DOCK8: variants seen among roughly 807,000 people sequenced by gnomAD.
DOCK8 encodes the protein dedicator of cytokinesis 8, also known as dedicator of cytokinesis protein 8.
In DOCK8, 141 loss-of-function variants were observed where a neutral mutation model predicts 245.6. The ratio of observed to expected loss-of-function variants is 0.57; its 90% confidence interval spans 0.50 to 0.66. The LOEUF is 0.66. Among genes scored for constraint, DOCK8 ranks in the 30% least tolerant of loss-of-function variants. DOCK8 has a pLI of 0.00. For missense variants in DOCK8, 2,965 were observed against 2,603.4 expected, an observed-to-expected ratio of 1.14 and a Z score of -3.02; for synonymous variants, 1,168 against 970.2, an observed-to-expected ratio of 1.20 and a Z score of -3.79.
intron 7 of DOCK8, among the ~76,000 whole-genome samples, chr9:317,527 G>A (rs2050400352): frequency 6.6e-6 from 1 of 152,102 alleles, no homozygotes; most frequent in Admixed American, 6.5e-5. Flanking sequence ...ATTGGCCATG[G>A]CGAAAGTATT....
chr9:329,797 C>G (rs1191119871), intron 9 of DOCK8, among the ~76,000 whole-genome samples: 1 of 152,092 alleles, frequency 6.6e-6, no homozygotes, highest in African/African-American at 2.4e-5. Context: ...CAGTGGTTAC[C>G]CATTGGTTCC....
At chr9:281,229 C>T (rs1267388406) in intron 2 of DOCK8, among the ~76,000 whole-genome samples, 2 of 150,886 alleles carry the variant, frequency 1.3e-5, no homozygotes, top group Non-Finnish European at 1.5e-5. Context: ...AGTCCAGCAA[C>T]GGAGTGAGAC....
At chr9:329,185 C>T (rs1337162318) in intron 9 of DOCK8, among the ~76,000 whole-genome samples, 1 of 152,092 alleles carries the variant, frequency 6.6e-6, no homozygotes, top group Non-Finnish European at 1.5e-5. Context: ...CTCCTGATCT[C>T]AGGTGATTCA....
chr9:395,669 T>C (rs2054417242), intron 24 of DOCK8, among the ~76,000 whole-genome samples: 2 of 151,590 alleles, frequency 1.3e-5, no homozygotes, highest in South Asian at 4.2e-4. Context: ...TTCCTAATAG[T>C]GTAAGCAACT....
intron 42 of DOCK8, among the ~76,000 whole-genome samples, chr9:442,792 C>G (rs1057193623): frequency 4.0e-5 from 6 of 151,348 alleles, no homozygotes; most frequent in African/African-American, 1.5e-4. Flanking sequence ...CAAAGATTCA[C>G]TCCTTAGGCT....
intron 10 of DOCK8, among the ~76,000 whole-genome samples, chr9:333,637 T>C (rs954519636): frequency 1.3e-5 from 2 of 151,988 alleles, no homozygotes; most frequent in Non-Finnish European, 2.9e-5. Context: ...GAATAAGACT[T>C]ACCTTATTAG....
intron 1 of DOCK8, among the ~76,000 whole-genome samples, chr9:261,347 A>C (rs542574344): frequency 6.6e-6 from 1 of 152,232 alleles, no homozygotes; most frequent in Non-Finnish European, 1.5e-5. Context: ...TACTTAGCCC[A>C]GGCACATAAA....
At chr9:391,307 C>G (rs1191658114) in intron 24 of DOCK8, among the ~76,000 whole-genome samples, 28 of 152,102 alleles carry the variant, frequency 1.8e-4, no homozygotes, top group Non-Finnish European at 1.0e-4. Context: ...TATTTCTTTC[C>G]TAGTGGTTAT....
At chr9:214,709 AGGCCAGTTCCGCGCTG>A (rs1294028063), upstream of DOCK8, 1 of 1,551,540 alleles carries the variant, frequency 6.4e-7, no homozygotes, top group East Asian at 2.5e-5. Flanking sequence ...CAGTATCGGG[AGGCCAGTTCCGCGCTG>A]GGCCCACGCC....
Position 340,159 on chromosome 9 carries a change from G to T in DOCK8, c.1517G>T (p.Gly506Val). Reference protein sequence around the residue: ...SLQRRVKSIPGLLRLEISTAP... With the variant: ...SLQRRVKSIPVLLRLEISTAP... The stretch of plus-strand genomic sequence containing the variant: ...GAACATTCCTATTTTCTCTCTTTAG[G>T]CTTGCTAAGACTGGAGATTTCTACA... Residue 506 changes from glycine (G) to valine (V), a missense_variant and splice_region_variant, in exon 14 of 48, where the codon GGC (glycine) becomes GTC (valine). Gly to Val is a moderately radical substitution (Grantham distance 109, BLOSUM62 -3). This residue lies in a region of DOCK8 where 2,825 missense variants were observed against 2,453.5 expected (regional missense o/e 1.15). Coordinates refer to ENST00000432829, the MANE Select transcript of DOCK8 (RefSeq NM_203447.4). 1.2e-6 allele frequency: 2 copies of T among 1,613,792 alleles called. No individual in the cohort carries two copies. The highest frequency in any genetic ancestry group is 2.2e-5 in the East Asian group (1 of 44,862).
intron 14 of DOCK8, 115 bp downstream of exon 14, chr9:340,436 C>G (rs952869244): frequency 1.4e-4 from 184 of 1,337,240 alleles, no homozygotes; most frequent in Non-Finnish European, 1.8e-4. Flanking sequence ...GCCTTGGCAA[C>G]ATGGCAAAAC....
intron 45 of DOCK8, among the ~76,000 whole-genome samples, chr9:450,267 ACG>A (rs1264367349): frequency 1.3e-5 from 2 of 152,186 alleles, no homozygotes; most frequent in Non-Finnish European, 2.9e-5. Flanking sequence ...TGACCAATTC[ACG>A]CAGAGTAATT....
rs1434205566 is a variant in DOCK8 at position 372,165 on chromosome 9, A to G, written c.2008-20A>G. 5.6e-6 allele frequency: 9 copies of G among 1,597,338 alleles called. No individual in the cohort carries two copies. Among genetic ancestry groups the G allele is most frequent in the Non-Finnish European group, 6.9e-6 (8 of 1,165,342 alleles). On this transcript the variant is annotated intron_variant, in intron 17 of 47. Transcript: ENST00000432829. ...ATGCTGTAATAAATACCACTTTATT[A>G]TTTACATCATCTGTTTCAGTGGCTG...
chr9:438,264 G>A (rs2131783889), intron 39 of DOCK8, among the ~76,000 whole-genome samples: 1 of 152,326 alleles, frequency 6.6e-6, no homozygotes, highest in East Asian at 1.9e-4. Context: ...GTGGCTGACT[G>A]GAGAACTATG....
chr9:319,847 T>C (rs1311491015), intron 7 of DOCK8, among the ~76,000 whole-genome samples: 3 of 152,238 alleles, frequency 2.0e-5, no homozygotes, highest in East Asian at 3.8e-4. Flanking sequence ...GGAGAAATAT[T>C]TTAAGATTTA....
intron 18 of DOCK8, among the ~76,000 whole-genome samples, chr9:373,167 A>C (rs1014603716): frequency 6.6e-6 from 1 of 152,180 alleles, no homozygotes; most frequent in Non-Finnish European, 1.5e-5. Context: ...ACTCCATCTC[A>C]AAATAAATAA....
intron 1 of DOCK8, among the ~76,000 whole-genome samples, chr9:257,114 A>C (rs2047795970): frequency 6.6e-6 from 1 of 152,196 alleles, no homozygotes; most frequent in African/African-American, 2.4e-5. Context: ...TTGGTTTAAG[A>C]AGCATTGTTT....
At chr9:356,672 C>G (rs2052465020) in intron 14 of DOCK8, among the ~76,000 whole-genome samples, 1 of 152,018 alleles carries the variant, frequency 6.6e-6, no homozygotes. Flanking sequence ...TCTTTTTATT[C>G]CTTTTCTTCA....
At chr9:232,113 T>C (rs2047131328) in intron 1 of DOCK8, among the ~76,000 whole-genome samples, 1 of 152,232 alleles carries the variant, frequency 6.6e-6, no homozygotes, top group African/African-American at 2.4e-5. Flanking sequence ...GAAGCGTTGT[T>C]GGATTTTGTC....
Sources: gnomAD v4.1 joint callset for allele counts (sites outside exome capture counted in the v4.1 genomes callset) on GRCh38, gnomAD v4.1.1 for gene constraint, gnomAD v4.1.1 regional missense constraint, MANE v1.5 for transcripts, NCBI Gene and HGNC (gene_info 2026-07-23, HGNC 2026-07-21) for gene names.